Variants in ARHGAP5 observed in about 807,000 individuals in gnomAD.
ARHGAP5 encodes the protein Rho GTPase activating protein 5, also known as rho GTPase-activating protein 5.
Under a neutral mutation model 116.6 loss-of-function variants are expected in ARHGAP5, and 23 were observed. The ratio of observed to expected loss-of-function variants is 0.20; its 90% CI spans 0.14 to 0.28. The LOEUF is 0.28. ARHGAP5 is among the 10% of genes least tolerant of loss of function. The probability of loss-of-function intolerance (pLI) is 1.00; values close to 1 mark genes in which losing one functional copy is unlikely to be tolerated. For synonymous variants in ARHGAP5, 574 were observed against 602.0 expected (o/e 0.95, Z 0.68); for missense variants, 1,405 against 1,774.8 (o/e 0.79, Z 3.74).
chr14:32,138,103 C>T (rs1880906517), intron 3 of ARHGAP5, among the ~76,000 whole-genome samples: 1 of 151,848 alleles, frequency 6.6e-6, no homozygotes, highest in South Asian at 2.1e-4. Flanking sequence ...CCTTCTTGGT[C>T]AAATTTATTC....
Position 32,094,111 on chromosome 14 carries a change from C to A in ARHGAP5, c.3442C>A (p.Arg1148=). 1.2e-6 allele frequency: 2 copies of A among 1,613,986 alleles called. No homozygotes were observed. Among genetic ancestry groups the A allele is most frequent in the South Asian group, 1.1e-5 (1 of 91,052 alleles). The change falls in exon 2 of 7, where the codon CGG becomes AGG. Residue 1148 remains arginine, a synonymous_variant. Transcript: ENST00000345122. ...TAGAACCTCAAAAAGTCATGGGGAA[C>A]GGAGGCCTTCAAAATACAAATATAA... The part of the protein sequence containing the change: ...SDRTSKSHGE[R]RPSKYKYKSK...
At chr14:32,118,094 G>C (rs111631345) in intron 3 of ARHGAP5, among the ~76,000 whole-genome samples, 1 of 152,066 alleles carries the variant, frequency 6.6e-6, no homozygotes, top group African/African-American at 2.4e-5. Flanking sequence ...TCTTGTTCTC[G>C]CTAAAAAATC....
intron 3 of ARHGAP5, among the ~76,000 whole-genome samples, chr14:32,130,078 T>G (rs544309026): frequency 3.2e-4 from 49 of 151,374 alleles, no homozygotes; most frequent in Middle Eastern, 3.5e-3. Flanking sequence ...TAAATACATA[T>G]ATATGTAATA....
chr14:32,127,204 C>T (rs1299396028), intron 3 of ARHGAP5, among the ~76,000 whole-genome samples: 2 of 150,686 alleles, frequency 1.3e-5, no homozygotes, highest in Admixed American at 1.3e-4. Flanking sequence ...ATTGATCATT[C>T]TTGGGTGTTT....
chr14:32,107,695 A>AC (rs1879080390), intron 2 of ARHGAP5, among the ~76,000 whole-genome samples: 2 of 152,250 alleles, frequency 1.3e-5, no homozygotes, highest in African/African-American at 2.4e-5. Context: ...CTAAGATAGC[A>AC]AAGACTAAGG....
chr14:32,130,271 G>T (rs1166616392), intron 3 of ARHGAP5, among the ~76,000 whole-genome samples: 6 of 147,620 alleles, frequency 4.1e-5, no homozygotes, highest in Admixed American at 3.4e-4. Flanking sequence ...GAGTGTAGTG[G>T]TGGGATCTCG....
At chr14:32,097,474 T>C (rs984468104) in intron 2 of ARHGAP5, among the ~76,000 whole-genome samples, 3 of 152,190 alleles carry the variant, frequency 2.0e-5, no homozygotes, top group African/African-American at 7.2e-5. Context: ...GTAAGAACTT[T>C]CTTGAAAACG....
At chr14:32,148,202 CTATCTATCTATGTA>C (rs1225824835) in intron 4 of ARHGAP5, among the ~76,000 whole-genome samples, 5 of 150,698 alleles carry the variant, frequency 3.3e-5, no homozygotes, top group African/African-American at 1.2e-4. Flanking sequence ...ATCTATCTAT[CTATCTATCTATGTA>C]TATCTATCTA....
At chr14:32,122,351 T>C (rs1336891223) in intron 3 of ARHGAP5, among the ~76,000 whole-genome samples, 1 of 152,204 alleles carries the variant, frequency 6.6e-6, no homozygotes, top group Non-Finnish European at 1.5e-5. Context: ...CTTTGCCCTC[T>C]TTTTAGTTGG....
intron 1 of ARHGAP5, among the ~76,000 whole-genome samples, chr14:32,090,166 G>A (rs1878169149): frequency 6.6e-6 from 1 of 151,982 alleles, no homozygotes. Context: ...TCCAGTGACA[G>A]AAGGCAGGAA....
chr14:32,092,966 C>T lies in ARHGAP5; in HGVS notation c.2297C>T (p.Pro766Leu). The T allele has an allele frequency of 6.2e-7, 1 of 1,613,982 alleles. No homozygotes were observed. The highest frequency in any genetic ancestry group is 8.5e-7 in the Non-Finnish European group (1 of 1,179,938). The change falls in exon 2 of 7, where the codon CCA (proline) becomes CTA (leucine). Residue 766 changes from proline to leucine, a missense_variant. Physicochemically the swap from Pro to Leu is moderately conservative, Grantham distance 98. Coordinates refer to ENST00000345122, the MANE Select transcript of ARHGAP5 (RefSeq NM_001030055.2). This position sits in a 1 kb window ranked among gnomAD's most constrained non-coding sequence, Gnocchi z 4.1. ...AAACACAATTTGGATGTGGTGAGCC[C>T]AATTCCTGCCAATAAGGACTTATCA... Reference protein sequence around the residue: ...SVKHNLDVVSPIPANKDLSEA... With the variant: ...SVKHNLDVVSLIPANKDLSEA...
rs1378713591 is a variant in ARHGAP5 at position 32,158,775 on chromosome 14, A to G, written c.*3827A>G. 2 of 152,044 alleles carry G rather than the reference A, an allele frequency of 1.3e-5. No individual in the cohort carries two copies. The highest frequency in any genetic ancestry group is 2.9e-5 in the Non-Finnish European group (2 of 67,902). 9.4% of individuals were successfully genotyped at this position (152,044 alleles called of 1,614,324 possible). A position where few individuals can be genotyped will look rare whatever the true frequency, so the allele number is the denominator to read the frequency against. On this transcript the variant is annotated 3_prime_UTR_variant, in exon 7 of 7. Coordinates refer to ENST00000345122, the MANE Select transcript of ARHGAP5 (RefSeq NM_001030055.2). ...ATTTAATAAGGGAAGATACTATTCA[A>G]ATCATTTTCTTAGGATAGCATCTTT...
intron 2 of ARHGAP5, among the ~76,000 whole-genome samples, chr14:32,097,584 C>A (rs1191836234): frequency 6.6e-6 from 1 of 152,052 alleles, no homozygotes; most frequent in African/African-American, 2.4e-5. Flanking sequence ...TAAAACATCA[C>A]TTCTATTCAG....
intron 3 of ARHGAP5, among the ~76,000 whole-genome samples, chr14:32,142,913 T>C (rs114539742): frequency 0.013 from 2,009 of 152,328 alleles, 33 homozygotes; most frequent in African/African-American, 0.045. Flanking sequence ...TCCACCACTT[T>C]TGGTGACATC....
chr14:32,133,641 G>T (rs1880625845), intron 3 of ARHGAP5, among the ~76,000 whole-genome samples: 1 of 152,140 alleles, frequency 6.6e-6, no homozygotes, highest in Non-Finnish European at 1.5e-5. Context: ...TGGTGAGAGA[G>T]GGCATCCCTG....
chr14:32,086,490 T>C (rs1566657442), intron 1 of ARHGAP5, among the ~76,000 whole-genome samples: 1 of 151,994 alleles, frequency 6.6e-6, no homozygotes, highest in Non-Finnish European at 1.5e-5. Context: ...GAGATATTGA[T>C]GGGTGAGAGC....
intron 2 of ARHGAP5, among the ~76,000 whole-genome samples, chr14:32,102,580 G>A (rs1878840891): frequency 6.6e-6 from 1 of 152,216 alleles, no homozygotes; most frequent in African/African-American, 2.4e-5. Flanking sequence ...TTAGGTTTTA[G>A]TCTTTATCCT....
chr14:32,134,068 C>T (rs1432324656), intron 3 of ARHGAP5, among the ~76,000 whole-genome samples: 1 of 152,126 alleles, frequency 6.6e-6, no homozygotes, highest in Non-Finnish European at 1.5e-5. Flanking sequence ...ATGCAAAAAT[C>T]CTCAATAAAA....
chr14:32,128,548 GC>G (rs1000609175), intron 3 of ARHGAP5, among the ~76,000 whole-genome samples: 47 of 152,334 alleles, frequency 3.1e-4, no homozygotes, highest in Middle Eastern at 6.8e-3. Context: ...GCTGAGGCTG[GC>G]CCGCCTCTGC....
Sources: allele counts gnomAD v4.1 joint callset (sites outside exome capture counted in the v4.1 genomes callset), GRCh38; gene constraint gnomAD v4.1.1; non-coding constraint Gnocchi (gnomAD v3.1); transcripts MANE v1.5; gene names NCBI Gene and HGNC (gene_info 2026-07-23, HGNC 2026-07-21).